Variants in PRKAG2 observed in about 807,000 individuals in gnomAD.
PRKAG2 encodes the protein protein kinase AMP-activated non-catalytic subunit gamma 2, also known as 5'-AMP-activated protein kinase subunit gamma-2.
Under a neutral mutation model 69.6 loss-of-function variants are expected in PRKAG2, and 26 were observed. The ratio of observed to expected loss-of-function variants is 0.37; its 90% CI spans 0.27 to 0.52. The LOEUF (loss-of-function observed/expected upper bound fraction) is 0.52. Ranked by LOEUF, PRKAG2 falls within the 20% of genes least tolerant of loss-of-function variation. The pLI is 0.90. For missense variants in PRKAG2, 557 were observed against 740.0 expected (o/e 0.75, Z 2.87); for synonymous variants, 293 against 285.0 (o/e 1.03, Z -0.28).
chr7:151,593,714 C>T (rs1585103929), intron 6 of PRKAG2, among the ~76,000 whole-genome samples: 1 of 152,128 alleles, frequency 6.6e-6, no homozygotes, highest in East Asian at 1.9e-4. Flanking sequence ...GTTTTCCCTA[C>T]TATAAGATTG....
chr7:151,660,257 T>C (rs1428043257), intron 4 of PRKAG2, among the ~76,000 whole-genome samples: 1 of 152,306 alleles, frequency 6.6e-6, no homozygotes, highest in Non-Finnish European at 1.5e-5. Context: ...CGTGGACAGA[T>C]CTTAAGAAGG....
intron 3 of PRKAG2, among the ~76,000 whole-genome samples, chr7:151,767,470 T>C (rs2075796046): frequency 6.6e-6 from 1 of 152,184 alleles, no homozygotes; most frequent in Admixed American, 6.5e-5. Flanking sequence ...TTTGTATTTT[T>C]AGTAGAGATG....
chr7:151,569,488 C>T (rs1158503667), intron 10 of PRKAG2, among the ~76,000 whole-genome samples: 3 of 152,272 alleles, frequency 2.0e-5, no homozygotes, highest in South Asian at 4.1e-4. Flanking sequence ...GGCAAACTGG[C>T]TCTACCCCGG....
chr7:151,753,202 G>A (rs190180734), intron 3 of PRKAG2, among the ~76,000 whole-genome samples: 152 of 152,354 alleles, frequency 1.0e-3, no homozygotes, highest in Non-Finnish European at 5.3e-4. Flanking sequence ...AACAAAACGC[G>A]TGGCTGGAGG....
chr7:151,649,950 C>G (rs1466710848), intron 4 of PRKAG2, among the ~76,000 whole-genome samples: 3 of 152,144 alleles, frequency 2.0e-5, no homozygotes, highest in African/African-American at 7.2e-5. Flanking sequence ...GTATCTAATT[C>G]TACATATCTG....
chr7:151,710,266 G>A (rs1033159093), intron 3 of PRKAG2, among the ~76,000 whole-genome samples: 1 of 152,068 alleles, frequency 6.6e-6, no homozygotes, highest in African/African-American at 2.4e-5. Context: ...TCTGCCACCC[G>A]TGCCCCGCCC....
chr7:151,717,243 T>A (rs10265221), intron 3 of PRKAG2, among the ~76,000 whole-genome samples: 2 of 143,586 alleles, frequency 1.4e-5, no homozygotes, highest in African/African-American at 5.3e-5. Context: ...CGAGACCCCA[T>A]GTCAAAAAGA....
At chr7:151,625,096 A>C (rs1176525513) in intron 5 of PRKAG2, among the ~76,000 whole-genome samples, 1 of 152,170 alleles carries the variant, frequency 6.6e-6, no homozygotes, top group Non-Finnish European at 1.5e-5. Flanking sequence ...AATAAATGGG[A>C]GGGGCTACTG....
Position 151,556,817 on chromosome 7 carries a change from G to A in PRKAG2, c.*384C>T, listed in dbSNP as rs75418446. 5.9e-3 allele frequency: 1,239 copies of A among 210,204 alleles called. 20 individuals carry two copies. Among genetic ancestry groups the A allele is most frequent in the African/African-American group, 0.027 (1,155 of 42,936 alleles). 13.0% of individuals were successfully genotyped at this position (210,204 alleles called of 1,614,324 possible). On this transcript the variant is annotated 3_prime_UTR_variant, in exon 16 of 16. Transcript: ENST00000287878. ...CACACGCGTGCGCCCCGGCTGCGGC[G>A]GTGACATATTGCTGTATTCGGACAT...
At chr7:151,790,333 C>A (rs1052119507) in intron 1 of PRKAG2, among the ~76,000 whole-genome samples, 2 of 152,196 alleles carry the variant, frequency 1.3e-5, no homozygotes, top group East Asian at 3.8e-4. Context: ...CTGAGAGTCA[C>A]CCTCAGACAG....
intron 1 of PRKAG2, among the ~76,000 whole-genome samples, chr7:151,817,500 C>T (rs1176146017): frequency 5.3e-5 from 8 of 152,164 alleles, no homozygotes; most frequent in South Asian, 2.1e-4. Context: ...GCCTGGCCCA[C>T]GGTCATCCTT....
At chr7:151,694,874 C>A (rs969206288) in intron 3 of PRKAG2, among the ~76,000 whole-genome samples, 1 of 152,212 alleles carries the variant, frequency 6.6e-6, no homozygotes, top group African/African-American at 2.4e-5. Flanking sequence ...TAAGGACATC[C>A]GATGCAAACA....
At chr7:151,698,435 G>C (rs911000948) in intron 3 of PRKAG2, among the ~76,000 whole-genome samples, 5 of 152,154 alleles carry the variant, frequency 3.3e-5, no homozygotes, top group Non-Finnish European at 7.4e-5. Flanking sequence ...CCGAGTTGAA[G>C]GTGGGCCTGG....
intron 14 of PRKAG2, among the ~76,000 whole-genome samples, chr7:151,561,572 C>A (rs984303722): frequency 1.3e-5 from 2 of 152,204 alleles, no homozygotes; most frequent in Non-Finnish European, 2.9e-5. Context: ...GACGGCAGAG[C>A]GTTTTGAGGT....
intron 3 of PRKAG2, among the ~76,000 whole-genome samples, chr7:151,683,690 G>A (rs1335535208): frequency 6.6e-6 from 1 of 152,178 alleles, no homozygotes; most frequent in Non-Finnish European, 1.5e-5. Context: ...AGGGAGGATG[G>A]CGAGCGCCGT....
intron 3 of PRKAG2, among the ~76,000 whole-genome samples, chr7:151,705,550 GAT>G (rs1001339321): frequency 6.6e-6 from 1 of 152,206 alleles, no homozygotes; most frequent in Non-Finnish European, 1.5e-5. Context: ...TAGGGAGACA[GAT>G]AGGGGGAGGG....
At chr7:151,668,442 G>A (rs569931549) in intron 4 of PRKAG2, among the ~76,000 whole-genome samples, 2 of 152,328 alleles carry the variant, frequency 1.3e-5, no homozygotes, top group South Asian at 4.1e-4. Flanking sequence ...CAAAAGAAGA[G>A]CATAGAGAAT....
rs1554579985 is a variant in PRKAG2, at chr7:151,747,563, A to AAAACC, written c.466+33588_466+33589insGGTTT. Among the ~76,000 whole-genome samples the AAAACC allele has an allele frequency of 2.1e-3, 314 of 151,210 alleles. 1 individual carries two copies. Among genetic ancestry groups the AAAACC allele is most frequent in the Non-Finnish European group, 3.6e-3 (241 of 67,716 alleles). ...TAGAGAGAGACTCCGTCTCAAAAAA[A>AAAACC]AACCAACCAACCAAACAAACAAAAA... On this transcript the variant is annotated intron_variant, in intron 3 of 15. Transcript: ENST00000287878.
chr7:151,602,267 G>A (rs1467894147), intron 5 of PRKAG2, among the ~76,000 whole-genome samples: 1 of 152,138 alleles, frequency 6.6e-6, no homozygotes, highest in Non-Finnish European at 1.5e-5. Context: ...TCAAAAGCAA[G>A]AAATCAAGAG....
Sources: gnomAD v4.1 joint callset for allele counts (sites outside exome capture counted in the v4.1 genomes callset) on GRCh38, gnomAD v4.1.1 for gene constraint, MANE v1.5 for transcripts, NCBI Gene and HGNC (gene_info 2026-07-23, HGNC 2026-07-21) for gene names.